TYW1B: variants seen among roughly 807,000 people sequenced by gnomAD.
TYW1B encodes the protein tRNA-yW synthesizing protein 1 homolog B, also known as S-adenosyl-L-methionine-dependent tRNA 4-demethylwyosine synthase TYW1B.
Under a neutral mutation model 86.9 loss-of-function variants are expected in TYW1B, and 73 were observed. The ratio of observed to expected loss-of-function variants is 0.84; its 90% CI spans 0.70 to 1.02. TYW1B has a LOEUF of 1.02. Ranked by LOEUF, TYW1B falls within the 50% of genes least tolerant of loss-of-function variation. The pLI is 0.00. For synonymous variants in TYW1B, 248 were observed against 292.8 expected (o/e 0.85, Z 1.56); for missense variants, 637 against 827.4 (o/e 0.77, Z 2.82).
At chr7:72,630,169 C>T (rs1554439640) in intron 11 of TYW1B, among the ~76,000 whole-genome samples, 1 of 152,016 alleles carries the variant, frequency 6.6e-6, no homozygotes, top group East Asian at 1.9e-4. Flanking sequence ...ATCCCAGCTA[C>T]TTGGGAGGCT....
In TYW1B at chr7:72,777,531, T is replaced by C. The variant is rs1787978202; in HGVS notation, c.849A>G (p.Arg283=). 1 of 1,613,452 alleles carries C rather than the reference T, an allele frequency of 6.2e-7. No homozygotes were observed. Among genetic ancestry groups the C allele is most frequent in the Non-Finnish European group, 8.5e-7 (1 of 1,179,848 alleles). ...KIMDHVKKEK[R]EKEQQEEKSG... ...ACTTCTCTTCCTGCTGTTCCTTTTCTCTCTGCATTAAAATAAAAGAATGAA... is the reference window on the plus strand; with the variant it reads ...ACTTCTCTTCCTGCTGTTCCTTTTCCCTCTGCATTAAAATAAAAGAATGAA... The change falls in exon 7 of 14, where the codon AGA becomes AGG. Residue 283 remains arginine (R), a splice_region_variant and synonymous_variant. Coordinates refer to ENST00000620995, the MANE Select transcript of TYW1B (RefSeq NM_001145440.3).
chr7:72,738,918 A>AG (rs1452236340), intron 8 of TYW1B, among the ~76,000 whole-genome samples: 3 of 150,210 alleles, frequency 2.0e-5, no homozygotes, highest in Non-Finnish European at 3.0e-5. Context: ...CAAAAAAAAA[A>AG]AAAAATAATA....
At chr7:72,662,269 G>A (rs1312455917) in intron 11 of TYW1B, among the ~76,000 whole-genome samples, 3 of 152,212 alleles carry the variant, frequency 2.0e-5, no homozygotes, top group African/African-American at 4.8e-5. Context: ...AGCTTTGAAA[G>A]TCAATGGAGT....
intron 7 of TYW1B, among the ~76,000 whole-genome samples, chr7:72,773,406 C>T (rs1270111672): frequency 6.6e-6 from 1 of 152,160 alleles, no homozygotes; most frequent in East Asian, 1.9e-4. Context: ...ATGGTGATCC[C>T]ATAGAGATAG....
At chr7:72,696,108 C>T (rs782019582) in intron 10 of TYW1B, among the ~76,000 whole-genome samples, 9 of 152,008 alleles carry the variant, frequency 5.9e-5, no homozygotes, top group Non-Finnish European at 1.2e-4. Context: ...CTGCCACATC[C>T]GGCTAATTTT....
chr7:72,770,679 AG>A (rs533014509), intron 7 of TYW1B, among the ~76,000 whole-genome samples: 32 of 152,154 alleles, frequency 2.1e-4, no homozygotes, highest in Non-Finnish European at 3.8e-4. Context: ...CATTTACCCA[AG>A]GAAAACTGAA....
chr7:72,575,973 G>A (rs1811013130), intron 13 of TYW1B, among the ~76,000 whole-genome samples: 1 of 152,210 alleles, frequency 6.6e-6, no homozygotes, highest in African/African-American at 2.4e-5. Flanking sequence ...GACAAGTCAA[G>A]TTTATCTCAA....
chr7:72,827,826 G>C (rs529514420), intron 1 of TYW1B, among the ~76,000 whole-genome samples: 4 of 152,266 alleles, frequency 2.6e-5, no homozygotes, highest in Non-Finnish European at 4.4e-5. Flanking sequence ...AGGTGCAAAA[G>C]TCCTAATACA....
At chr7:72,824,214 T>C (rs1788888422) in intron 2 of TYW1B, among the ~76,000 whole-genome samples, 1 of 152,158 alleles carries the variant, frequency 6.6e-6, no homozygotes, top group South Asian at 2.1e-4. Flanking sequence ...TAGAACCCTC[T>C]GAAGTAGTCC....
intron 10 of TYW1B, among the ~76,000 whole-genome samples, chr7:72,708,729 TTC>T (rs1168489680): frequency 6.6e-6 from 1 of 152,154 alleles, no homozygotes; most frequent in Admixed American, 6.5e-5. Context: ...AACTTTTTCT[TTC>T]TGTTTTCTCT....
intron 11 of TYW1B, among the ~76,000 whole-genome samples, chr7:72,645,079 G>A (rs1477837899): frequency 4.6e-5 from 7 of 151,988 alleles, no homozygotes; most frequent in Non-Finnish European, 7.4e-5. Context: ...CACCCACCTC[G>A]GCCTCCCAAA....
chr7:72,609,203 T>C (rs567677149), intron 13 of TYW1B, among the ~76,000 whole-genome samples: 152 of 152,316 alleles, frequency 1.0e-3, no homozygotes, highest in African/African-American at 3.4e-3. Context: ...AATAGGAAAG[T>C]AGTCCTTCAT....
intron 8 of TYW1B, among the ~76,000 whole-genome samples, chr7:72,735,909 T>C (rs1376085395): frequency 1.3e-5 from 2 of 152,076 alleles, no homozygotes; most frequent in Non-Finnish European, 2.9e-5. Flanking sequence ...TTATCCTATT[T>C]AAGGTTTATA....
intron 8 of TYW1B, among the ~76,000 whole-genome samples, chr7:72,739,981 C>T (rs537403554): frequency 2.7e-4 from 40 of 148,664 alleles, no homozygotes; most frequent in African/African-American, 9.4e-4. Context: ...TCTGTAATCC[C>T]GGCACTTTGG....
intron 12 of TYW1B, among the ~76,000 whole-genome samples, chr7:72,622,985 T>C (rs1308381847): frequency 1.3e-5 from 2 of 152,144 alleles, no homozygotes; most frequent in African/African-American, 4.8e-5. Flanking sequence ...TTAAGATGAT[T>C]TTTCCTTTGA....
At chr7:72,674,740 T>A (rs1813695632) in intron 11 of TYW1B, among the ~76,000 whole-genome samples, 1 of 148,934 alleles carries the variant, frequency 6.7e-6, no homozygotes, top group African/African-American at 2.5e-5. Flanking sequence ...AAGCACAGTT[T>A]CAAATTTTCC....
intron 4 of TYW1B, among the ~76,000 whole-genome samples, chr7:72,808,751 T>C (rs2129572637): frequency 6.6e-6 from 1 of 152,046 alleles, no homozygotes; most frequent in East Asian, 1.9e-4. Flanking sequence ...GGGGTCGAAC[T>C]CCCGACCTCA....
chr7:72,639,227 T>C (rs1812741495), intron 11 of TYW1B, among the ~76,000 whole-genome samples: 2 of 151,718 alleles, frequency 1.3e-5, no homozygotes, highest in Non-Finnish European at 3.0e-5. Flanking sequence ...GATAATGGTA[T>C]TGTGTTTATT....
At chr7:72,793,532 G>A (rs1334435878) in intron 6 of TYW1B, among the ~76,000 whole-genome samples, 1 of 151,902 alleles carries the variant, frequency 6.6e-6, no homozygotes, top group Non-Finnish European at 1.5e-5. Context: ...AGATCACAAG[G>A]TCAGGAGTTC....
Sources: allele counts gnomAD v4.1 joint callset (sites outside exome capture counted in the v4.1 genomes callset), GRCh38; gene constraint gnomAD v4.1.1; transcripts MANE v1.5; gene names NCBI Gene and HGNC (gene_info 2026-07-23, HGNC 2026-07-21).